The following MTERF4 variants were observed in gnomAD, a reference collection of about 807,000 sequenced individuals.
The protein encoded by MTERF4 is mitochondrial transcription termination factor 4.
In MTERF4, 17 loss-of-function variants were observed where a neutral mutation model predicts 22.5. That is an observed-to-expected ratio of 0.75 (90% CI 0.52 to 1.13). The LOEUF (loss-of-function observed/expected upper bound fraction) is 1.13. Ranked by LOEUF, MTERF4 falls within the 50% of genes most tolerant of loss-of-function variation. MTERF4 has a pLI of 0.00. For missense variants in MTERF4, 420 were observed against 466.8 expected (o/e 0.90, Z 0.92); for synonymous variants, 165 against 175.3 (o/e 0.94, Z 0.47).
downstream of MTERF4, chr2:241,069,037 C>T (rs1399259436): frequency 4.6e-6 from 7 of 1,526,698 alleles, no homozygotes; most frequent in African/African-American, 2.8e-5. The surrounding 1 kb of genome is among the most constrained non-coding windows in gnomAD (Gnocchi z 4.9). Context: ...AGTAGAGCAG[C>T]GCGGCCCCCG....
At chr2:241,089,158 T>G (rs374971883), downstream of MTERF4, 78 of 767,936 alleles carry the variant, frequency 1.0e-4, 1 homozygote, top group East Asian at 5.7e-4. Context: ...TAGAAAGCCA[T>G]CTACAACCTG....
At chr2:241,047,146 C>CAAA in the MTERF4 span, among the ~76,000 whole-genome samples, 2 of 68,140 alleles carry the variant, frequency 2.9e-5, no homozygotes, top group African/African-American at 4.6e-5. Flanking sequence ...GAGACTCTGT[C>CAAA]AAAAAAAAAA....
In MTERF4 at chr2:241,096,023, T is replaced by C. The variant is rs1344431401; in HGVS notation, c.1121A>G (p.Asp374Gly). Residue 374 changes from aspartate (D) to glycine (G), a missense_variant, in exon 4 of 4, where the codon GAT becomes GGT. By Grantham distance (94) the Asp-to-Gly change is moderately conservative. Coordinates refer to ENST00000391980, the MANE Select transcript of MTERF4 (RefSeq NM_182501.4). The surrounding 1 kb of genome is among the most constrained non-coding windows in gnomAD (Gnocchi z 5.1). ...CTATTCCTCCTCGTCGTCGTCCTCATCCTCATCATTGTCCTCCGCCTCGTC... is the reference window on the plus strand; with the variant it reads ...CTATTCCTCCTCGTCGTCGTCCTCACCCTCATCATTGTCCTCCGCCTCGTC... The part of the protein sequence containing the change: ...DDDEAEDNDE[D>G]EDDDEEE 2 of 1,613,764 alleles carry C rather than the reference T, an allele frequency of 1.2e-6. No homozygotes were observed. The highest frequency in any genetic ancestry group is 1.7e-5 in the Admixed American group (1 of 59,984).
intron 2 of MTERF4, among the ~76,000 whole-genome samples, chr2:241,098,040 C>G (rs2064535516): frequency 6.6e-6 from 1 of 152,184 alleles, no homozygotes; most frequent in Non-Finnish European, 1.5e-5. Context: ...TAAAACCGCA[C>G]TAACTGGTGT....
At chr2:241,082,476 C>T, downstream of MTERF4, 1 of 742,608 alleles carries the variant, frequency 1.3e-6, no homozygotes, top group South Asian at 1.9e-5. Context: ...TGGCTGCAGT[C>T]ACAGAAGGGA....
chr2:241,087,851 AGGGTTCAAG>A, downstream of MTERF4: 2 of 492,374 alleles, frequency 4.1e-6, no homozygotes, highest in Non-Finnish European at 6.6e-6. Context: ...CTTTCCACAA[AGGGTTCAAG>A]GTAGTTACAA....
At chr2:241,082,629 C>T (rs1445192901), downstream of MTERF4, among the ~76,000 whole-genome samples, 1 of 152,218 alleles carries the variant, frequency 6.6e-6, no homozygotes, top group East Asian at 1.9e-4. Context: ...CCAGGCCTTC[C>T]TTCCCACACA....
the MTERF4 span, among the ~76,000 whole-genome samples, chr2:241,047,593 T>G: frequency 2.0e-5 from 3 of 152,232 alleles, no homozygotes; most frequent in Admixed American, 1.3e-4. Context: ...GATTGTGTTT[T>G]CTGACCATAG....
chr2:241,049,507 GTATAGT>G, the MTERF4 span, among the ~76,000 whole-genome samples: 1 of 152,204 alleles, frequency 6.6e-6, no homozygotes, highest in Non-Finnish European at 1.5e-5. Context: ...CTTGCATCAC[GTATAGT>G]TATATAGAAT....
chr2:241,079,142 G>A (rs1186917295), intron 4 of MTERF4, among the ~76,000 whole-genome samples: 1 of 146,452 alleles, frequency 6.8e-6, no homozygotes, highest in Non-Finnish European at 1.5e-5. Context: ...GCCGGGCGCG[G>A]TGGCTCACAT....
chr2:241,056,741 C>T, the MTERF4 span, among the ~76,000 whole-genome samples: 3 of 151,764 alleles, frequency 2.0e-5, no homozygotes, highest in Non-Finnish European at 4.4e-5. Flanking sequence ...TCACCACGCC[C>T]GGCTAATTTT....
At chr2:241,090,639 G>A (rs138558839), downstream of MTERF4, among the ~76,000 whole-genome samples, 115 of 152,220 alleles carry the variant, frequency 7.6e-4, 1 homozygote, top group Middle Eastern at 0.034. Context: ...GGCCGAGGCC[G>A]GCGGATCACT....
At chr2:241,087,063 C>T (rs1276377418), downstream of MTERF4, 9 of 238,422 alleles carry the variant, frequency 3.8e-5, no homozygotes, top group East Asian at 4.4e-4. Flanking sequence ...CCCAGGCCTC[C>T]GGCCAGGTGG....
At position 241,073,109 on chromosome 2, in the gene MTERF4, C is replaced by T; in HGVS notation, n.3053G>A. ...GAGGCCAGCCCTTCAGGGGAGGCAGCTCTGGGGCCGACAGGTGCTGGGGCC... is the reference window on the plus strand; with the variant it reads ...GAGGCCAGCCCTTCAGGGGAGGCAGTTCTGGGGCCGACAGGTGCTGGGGCC... On this transcript the variant is annotated non_coding_transcript_exon_variant, in exon 5 of 5. Coordinates refer to the MTERF4 transcript ENST00000464344. The surrounding 1 kb of genome is among the most constrained non-coding windows in gnomAD (Gnocchi z 6.6). 1.7e-6 allele frequency: 1 copy of T among 603,084 alleles called. No individual in the cohort carries two copies. Among genetic ancestry groups the T allele is most frequent in the East Asian group, 2.8e-5 (1 of 35,936 alleles). 37.4% of individuals were successfully genotyped at this position (603,084 alleles called of 1,614,324 possible).
downstream of MTERF4, chr2:241,071,699 AG>A: frequency 1.5e-6 from 2 of 1,290,718 alleles, no homozygotes; most frequent in Non-Finnish European, 2.1e-6. Context: ...AGCGCCCCCG[AG>A]ACCCCCACCC....
downstream of MTERF4, chr2:241,067,868 CG>C: frequency 6.2e-7 from 1 of 1,613,504 alleles, no homozygotes; most frequent in South Asian, 1.1e-5. Flanking sequence ...CAGTGGGGTC[CG>C]TGTGTCCATC....
At chr2:241,088,071 C>A (rs1049306265), downstream of MTERF4, 3 of 467,298 alleles carry the variant, frequency 6.4e-6, no homozygotes, top group Non-Finnish European at 7.6e-6. Context: ...GTCACCGGCT[C>A]TTCCCTAGGG....
chr2:241,069,933 AG>A, downstream of MTERF4: 1 of 1,612,464 alleles, frequency 6.2e-7, no homozygotes, highest in Non-Finnish European at 8.5e-7. The surrounding 1 kb of genome is among the most constrained non-coding windows in gnomAD (Gnocchi z 4.9). Context: ...CCCTGCCTCC[AG>A]CAAACCTGAC....
chr2:241,051,970 C>A, the MTERF4 span: 1 of 1,520,992 alleles, frequency 6.6e-7, no homozygotes. This position sits in a 1 kb window ranked among gnomAD's most constrained non-coding sequence, Gnocchi z 4.7. Context: ...ATGAAGAGGC[C>A]CCAGCTCTGG....
Sources: allele counts gnomAD v4.1 joint callset (sites outside exome capture counted in the v4.1 genomes callset), GRCh38; gene constraint gnomAD v4.1.1; non-coding constraint Gnocchi (gnomAD v3.1); transcripts MANE v1.5; gene names NCBI Gene and HGNC (gene_info 2026-07-23, HGNC 2026-07-21).